Variants in NCBP3 observed in about 807,000 individuals in gnomAD.
NCBP3 encodes nuclear cap binding subunit 3.
Under a neutral mutation model 75.7 loss-of-function variants are expected in NCBP3, and 20 were observed. The observed-to-expected ratio is 0.26, with a 90% CI of 0.19 to 0.38. The LOEUF is 0.38. NCBP3 is among the 10% of genes least tolerant of loss of function. The pLI is 1.00. For missense variants in NCBP3, 678 were observed against 796.9 expected, an observed-to-expected ratio of 0.85 and a Z score of 1.80; for synonymous variants, 293 against 290.5, an observed-to-expected ratio of 1.01 and a Z score of -0.09.
rs573335023 is a variant in NCBP3 at position 3,842,690 on chromosome 17, C to T, written c.249+396G>A. Among the ~76,000 whole-genome samples the T allele has an allele frequency of 4.6e-5, 7 of 152,180 alleles. No homozygotes were observed. The East Asian group carries it at 9.7e-4, about 21-fold the overall frequency. ...ACACAAAATTTTTTTTTGTTGCCCC[C>T]ACTGGAGTGCAGTGGCACGATTTCA... is the stretch of plus-strand genomic sequence containing the variant. On this transcript the variant is annotated intron_variant, in intron 2 of 12. Coordinates refer to ENST00000389005, the MANE Select transcript of NCBP3 (RefSeq NM_001114118.3).
chr17:3,841,717 C>T (rs2054066381), intron 2 of NCBP3, among the ~76,000 whole-genome samples: 1 of 149,428 alleles, frequency 6.7e-6, no homozygotes, highest in Admixed American at 6.7e-5. Context: ...CCTGTAGTCC[C>T]AGCTACTCGG....
chr17:3,811,931 C>T lies in NCBP3; in HGVS notation c.*1113G>A, dbSNP rs896839941. On this transcript the variant is annotated 3_prime_UTR_variant, in exon 13 of 13. Transcript: ENST00000389005. ...TTTTTATAACTATTATCTTTTCTGC[C>T]AATTTTGAAGATGTCTTCAGGTGCC... 6.6e-6 allele frequency: 1 copy of T among 152,070 alleles called. No individual in the cohort carries two copies. Among genetic ancestry groups the T allele is most frequent in the African/African-American group, 2.4e-5 (1 of 41,386 alleles). The allele number at this position is 152,070 out of a possible 1,614,324, so 9.4% of individuals were successfully genotyped here.
rs901841759 is a variant in NCBP3 at position 3,818,118 on chromosome 17, G to A, written c.1310+145C>T. ...TAACAAGAATCACTGCTTGTATAGA[G>A]GAAATACTGGATGCGTTTATTAAAC... On this transcript the variant is annotated intron_variant, in intron 10 of 12. Transcript: ENST00000389005. The surrounding 1 kb of genome is among the most constrained non-coding windows in gnomAD (Gnocchi z 4.7). The A allele has an allele frequency of 1.5e-6, 1 of 682,898 alleles. No individual in the cohort carries two copies. Among genetic ancestry groups the A allele is most frequent in the Non-Finnish European group, 2.3e-6 (1 of 433,568 alleles). The allele number at this position is 682,898 out of a possible 1,614,324, so 42.3% of individuals were successfully genotyped here.
chr17:3,838,398 C>T (rs190678892), intron 3 of NCBP3, among the ~76,000 whole-genome samples: 2 of 152,336 alleles, frequency 1.3e-5, no homozygotes, highest in South Asian at 2.1e-4. Flanking sequence ...TGCTTGCGCC[C>T]GGCTGTGCAG....
intron 12 of NCBP3, 74 bp downstream of exon 12, chr17:3,814,248 G>C: frequency 1.3e-6 from 2 of 1,482,168 alleles, no homozygotes; most frequent in South Asian, 1.2e-5. Flanking sequence ...TGCTAAGAAA[G>C]TATTTCTCCA....
At chr17:3,816,464 T>C (rs899314161) in intron 10 of NCBP3, among the ~76,000 whole-genome samples, 194 bp from the exon 11 acceptor site, 4 of 152,238 alleles carry the variant, frequency 2.6e-5, no homozygotes, top group Non-Finnish European at 4.4e-5. Flanking sequence ...AAGAGACTGG[T>C]TCTGGTGAGC....
chr17:3,835,600 G>A (rs1416035760), intron 3 of NCBP3, among the ~76,000 whole-genome samples: 1 of 152,254 alleles, frequency 6.6e-6, no homozygotes, highest in Non-Finnish European at 1.5e-5. Context: ...CTCAACACAA[G>A]TAAGTACCCA....
intron 3 of NCBP3, among the ~76,000 whole-genome samples, chr17:3,834,169 C>T (rs1284563572): frequency 1.3e-5 from 2 of 152,064 alleles, no homozygotes; most frequent in Non-Finnish European, 2.9e-5. Flanking sequence ...AGGAGAGAGA[C>T]GGATTACAAT....
intron 1 of NCBP3, among the ~76,000 whole-genome samples, chr17:3,845,006 G>C (rs1174720998): frequency 6.6e-6 from 1 of 152,176 alleles, no homozygotes; most frequent in African/African-American, 2.4e-5. Flanking sequence ...CACAACTGCA[G>C]TAATATTTAT....
chr17:3,831,400 A>G (rs177986), intron 3 of NCBP3, among the ~76,000 whole-genome samples: 20,947 of 151,246 alleles, frequency 0.14, 2,804 homozygotes, highest in African/African-American at 0.35. Context: ...GTGAAACCCC[A>G]TCTCTACTAA....
At chr17:3,838,980 T>C (rs2054020746) in intron 3 of NCBP3, among the ~76,000 whole-genome samples, 1 of 152,160 alleles carries the variant, frequency 6.6e-6, no homozygotes. Context: ...TAACATGCAT[T>C]CAGAAGGCTG....
At position 3,804,402 on chromosome 17, in the gene NCBP3, G is replaced by C. The variant is rs1437532152; in HGVS notation, c.*8642C>G. On this transcript the variant is annotated 3_prime_UTR_variant, in exon 13 of 13. Coordinates refer to ENST00000389005, the MANE Select transcript of NCBP3 (RefSeq NM_001114118.3). The stretch of plus-strand genomic sequence containing the variant: ...TCTTTACTAAAAACACAAAAAATTA[G>C]CCAGGCGTGGCAGCGTGTGCCTGTA... The C allele has an allele frequency of 6.6e-6, 1 of 152,090 alleles. No individual in the cohort carries two copies. The highest frequency in any genetic ancestry group is 1.5e-5 in the Non-Finnish European group (1 of 68,054). 9.4% of individuals were successfully genotyped at this position (152,090 alleles called of 1,614,324 possible). A position where few individuals can be genotyped will look rare whatever the true frequency, so the allele number is the denominator to read the frequency against.
At chr17:3,821,889 G>A (rs1397099256) in intron 8 of NCBP3, 64 bp downstream of exon 8, 7 of 1,035,378 alleles carry the variant, frequency 6.8e-6, no homozygotes, top group South Asian at 5.4e-5. Context: ...ATTTCACCAC[G>A]GAATACCAAC....
In NCBP3 at chr17:3,810,363, T is replaced by C. The variant is rs770023844; in HGVS notation, c.*2681A>G. 3 of 152,152 alleles carry C rather than the reference T, an allele frequency of 2.0e-5. No homozygotes were observed. The highest frequency in any genetic ancestry group is 1.5e-5 in the Non-Finnish European group (1 of 68,048). The allele number at this position is 152,152 out of a possible 1,614,324, so 9.4% of individuals were successfully genotyped here. ...TGAGGACGCCACAAATTATCCTGGG[T>C]ACCTGGTAACTCTCCAGAGAGGAGA... On this transcript the variant is annotated 3_prime_UTR_variant, in exon 13 of 13. Coordinates refer to ENST00000389005, the MANE Select transcript of NCBP3 (RefSeq NM_001114118.3).
intron 3 of NCBP3, among the ~76,000 whole-genome samples, chr17:3,830,412 AATTAC>A (rs1386280848): frequency 6.6e-6 from 1 of 152,206 alleles, no homozygotes; most frequent in Admixed American, 6.5e-5. Flanking sequence ...AGTTGTAAAA[AATTAC>A]ATGCAAGGTG....
At chr17:3,842,441 C>T (rs747664024) in intron 2 of NCBP3, among the ~76,000 whole-genome samples, 7 of 152,114 alleles carry the variant, frequency 4.6e-5, no homozygotes, top group Non-Finnish European at 1.0e-4. Flanking sequence ...GGGGGCCTAC[C>T]ATCTGCCAGG....
chr17:3,844,665 ACAT>A (rs1229910052), intron 1 of NCBP3, among the ~76,000 whole-genome samples: 1 of 152,214 alleles, frequency 6.6e-6, no homozygotes, highest in African/African-American at 2.4e-5. Flanking sequence ...AGCCTGGCCA[ACAT>A]GGAGAAACCC....
Position 3,804,962 on chromosome 17 carries a change from A to G in NCBP3, c.*8082T>C, listed in dbSNP as rs1268749124. ...CCTGCCTTCAGCTCTTTTGGTGTGTAGACTTTTTTTATTTTTGTTTTTGAG... is the reference window on the plus strand; with the variant it reads ...CCTGCCTTCAGCTCTTTTGGTGTGTGGACTTTTTTTATTTTTGTTTTTGAG... On this transcript the variant is annotated 3_prime_UTR_variant, in exon 13 of 13. Transcript: ENST00000389005. The G allele has an allele frequency of 6.6e-6, 1 of 152,146 alleles. No individual in the cohort carries two copies. Among genetic ancestry groups the G allele is most frequent in the African/African-American group, 2.4e-5 (1 of 41,420 alleles). The allele number at this position is 152,146 out of a possible 1,614,324, so 9.4% of individuals were successfully genotyped here.
chr17:3,837,733 CAAA>C (rs370179376), intron 3 of NCBP3, among the ~76,000 whole-genome samples: 8 of 87,422 alleles, frequency 9.2e-5, no homozygotes, highest in East Asian at 3.7e-4. Flanking sequence ...GCCTCTGTCT[CAAA>C]AAAAAAAAAA....
Sources: gnomAD v4.1 joint callset for allele counts (sites outside exome capture counted in the v4.1 genomes callset) on GRCh38, gnomAD v4.1.1 for gene constraint, Gnocchi (gnomAD v3.1) non-coding constraint, MANE v1.5 for transcripts, NCBI Gene and HGNC (gene_info 2026-07-23, HGNC 2026-07-21) for gene names.